The following LANCL2 variants were observed in gnomAD, a reference collection of about 807,000 sequenced individuals.
LANCL2 encodes lanC-like protein 2.
Under a neutral mutation model 56.9 loss-of-function variants are expected in LANCL2, and 33 were observed. The observed-to-expected ratio is 0.58, with a 90% confidence interval of 0.44 to 0.78. The LOEUF (loss-of-function observed/expected upper bound fraction) is 0.78, where lower values mean the gene tolerates loss of function less well. Ranked by LOEUF, LANCL2 falls within the 30% of genes least tolerant of loss-of-function variation. The probability of loss-of-function intolerance (pLI) is 0.00; values close to 1 mark genes in which losing one functional copy is unlikely to be tolerated. For missense variants in LANCL2, 562 were observed against 580.2 expected (o/e 0.97, Z 0.32); for synonymous variants, 233 against 228.2 (o/e 1.02, Z -0.19).
At position 55,365,849 on chromosome 7, in the gene LANCL2, G is replaced by A. The variant is rs576339691; in HGVS notation, c.-177G>A. On this transcript the variant is annotated 5_prime_UTR_variant, in exon 1 of 9. Transcript: ENST00000254770. ...CCGCCTCTGCGGCCGCCTGATGTGC[G>A]AGCAGCCCGCGACGAGGCAGTGCAC... is the stretch of plus-strand genomic sequence containing the variant. 4 of 469,844 alleles carry A rather than the reference G, an allele frequency of 8.5e-6. No individual in the cohort carries two copies. The highest frequency in any genetic ancestry group is 4.0e-5 in the South Asian group (1 of 25,306). The allele number at this position is 469,844 out of a possible 1,614,324, so 29.1% of individuals were successfully genotyped here. A position where few individuals can be genotyped will look rare whatever the true frequency, so the allele number is the denominator to read the frequency against.
At chr7:55,394,336 T>C (rs1270831480) in intron 2 of LANCL2, among the ~76,000 whole-genome samples, 2 of 151,912 alleles carry the variant, frequency 1.3e-5, no homozygotes, top group African/African-American at 4.8e-5. Flanking sequence ...CTTTGGGAGA[T>C]GGAGGTGGGA....
At chr7:55,391,347 G>T (rs1300726037) in intron 1 of LANCL2, among the ~76,000 whole-genome samples, 1 of 151,986 alleles carries the variant, frequency 6.6e-6, no homozygotes, top group Non-Finnish European at 1.5e-5. Flanking sequence ...CTTATCATTT[G>T]TTTTTTCTTT....
rs2128996180 is a variant in LANCL2, at chr7:55,421,205, C to G, written c.1009-4049C>G. On this transcript the variant is annotated intron_variant, in intron 6 of 8. Coordinates refer to ENST00000254770, the MANE Select transcript of LANCL2 (RefSeq NM_018697.4). ...ATTATTGATGTGGTTGGATTCAGCTCTGCCATTTTAAATTTTTTAAAATTA... is the reference window on the plus strand; with the variant it reads ...ATTATTGATGTGGTTGGATTCAGCTGTGCCATTTTAAATTTTTTAAAATTA... Among the ~76,000 whole-genome samples, 2 of 149,000 alleles carry G rather than the reference C, an allele frequency of 1.3e-5. 1 individual carries two copies. The highest frequency in any genetic ancestry group is 3.9e-4 in the East Asian group (2 of 5,130).
intron 7 of LANCL2, chr7:55,428,153 A>G: frequency 1.7e-6 from 1 of 578,270 alleles, no homozygotes; most frequent in East Asian, 2.8e-5. Context: ...ACTTCCCAGC[A>G]GCTGTAAGGC....
chr7:55,405,595 A>AT (rs1237876206), intron 5 of LANCL2, among the ~76,000 whole-genome samples: 1 of 147,260 alleles, frequency 6.8e-6, no homozygotes. Context: ...GGTTTAAGTG[A>AT]TTCTCCTGCA....
intron 6 of LANCL2, among the ~76,000 whole-genome samples, chr7:55,420,635 A>G (rs546854143): frequency 6.6e-6 from 1 of 152,236 alleles, no homozygotes; most frequent in Admixed American, 6.5e-5. Context: ...TAAATATTTT[A>G]GGCTTGTGGT....
At chr7:55,414,210 C>T (rs898377859) in intron 6 of LANCL2, among the ~76,000 whole-genome samples, 2 of 152,058 alleles carry the variant, frequency 1.3e-5, no homozygotes, top group Admixed American at 6.5e-5. Context: ...GACCCTGCGC[C>T]GTGGAGTCTG....
At chr7:55,397,386 G>A (rs1490140654) in intron 2 of LANCL2, among the ~76,000 whole-genome samples, 2 of 151,102 alleles carry the variant, frequency 1.3e-5, no homozygotes, top group Non-Finnish European at 1.5e-5. Context: ...ACTTGAACCC[G>A]GGAGGCAGAG....
chr7:55,399,756 T>C (rs1790299287), intron 3 of LANCL2, among the ~76,000 whole-genome samples: 1 of 152,238 alleles, frequency 6.6e-6, no homozygotes, highest in African/African-American at 2.4e-5. Context: ...AAAGATGTTT[T>C]GTTTTTAATT....
chr7:55,384,993 C>G (rs1454486279), intron 1 of LANCL2, among the ~76,000 whole-genome samples: 1 of 151,996 alleles, frequency 6.6e-6, no homozygotes, highest in Non-Finnish European at 1.5e-5. Flanking sequence ...TTGAGACCAG[C>G]CTGGGCAACA....
intron 1 of LANCL2, among the ~76,000 whole-genome samples, chr7:55,368,446 A>T (rs1481029424): frequency 6.6e-6 from 1 of 152,234 alleles, no homozygotes; most frequent in Admixed American, 6.5e-5. Flanking sequence ...TGAAAATGAG[A>T]GCACGTTGAA....
chr7:55,371,625 CTT>C (rs887974851), intron 1 of LANCL2, among the ~76,000 whole-genome samples: 2 of 152,140 alleles, frequency 1.3e-5, no homozygotes, highest in African/African-American at 4.8e-5. Context: ...TGTCCAGGAG[CTT>C]TTCCCCATGT....
chr7:55,428,228 G>A (rs1466198577), intron 7 of LANCL2, 147 bp from the exon 8 acceptor site: 1 of 678,032 alleles, frequency 1.5e-6, no homozygotes, highest in African/African-American at 1.8e-5. Flanking sequence ...CCTGGAAGAG[G>A]GGGTGCAGTA....
chr7:55,365,935 T>C lies in LANCL2; in HGVS notation c.-91T>C, dbSNP rs946213677. ...CTCGCTCCTCCTAGAGGACGCTCTC[T>C]GCGCGGGCCCTCGGAGGAGGCGGCG... On this transcript the variant is annotated 5_prime_UTR_variant, in exon 1 of 9. Transcript: ENST00000254770. The C allele has an allele frequency of 2.7e-5, 29 of 1,063,030 alleles. No individual in the cohort carries two copies. The highest frequency in any genetic ancestry group is 1.5e-4 in the African/African-American group (9 of 59,214). The allele number at this position is 1,063,030 out of a possible 1,614,324, so 65.8% of individuals were successfully genotyped here.
At chr7:55,417,305 A>T (rs941986848) in intron 6 of LANCL2, among the ~76,000 whole-genome samples, 2 of 151,510 alleles carry the variant, frequency 1.3e-5, no homozygotes, top group Non-Finnish European at 1.5e-5. Context: ...AACCATAGGG[A>T]TATCTGATTG....
chr7:55,394,655 C>A (rs1172195296), intron 2 of LANCL2, among the ~76,000 whole-genome samples: 1 of 152,168 alleles, frequency 6.6e-6, no homozygotes, highest in Non-Finnish European at 1.5e-5. Context: ...GGGTAAAAAA[C>A]AAGCAGCATC....
intron 1 of LANCL2, among the ~76,000 whole-genome samples, chr7:55,386,335 TATTA>T (rs1181394621): frequency 6.6e-6 from 1 of 152,266 alleles, no homozygotes; most frequent in African/African-American, 2.4e-5. Context: ...ATTAGAAAAG[TATTA>T]ATTTGGGGAA....
At chr7:55,398,752 AT>A in intron 3 of LANCL2, 122 bp downstream of exon 3, 3 of 749,474 alleles carry the variant, frequency 4.0e-6, no homozygotes, top group Non-Finnish European at 6.8e-6. Flanking sequence ...TCACTCCAAA[AT>A]GTTAATCTTG....
intron 2 of LANCL2, among the ~76,000 whole-genome samples, chr7:55,397,385 C>G (rs111816186): frequency 0.022 from 3,255 of 149,160 alleles, 69 homozygotes; most frequent in Non-Finnish European, 0.028. Flanking sequence ...CACTTGAACC[C>G]GGGAGGCAGA....
Sources: allele counts gnomAD v4.1 joint callset (sites outside exome capture counted in the v4.1 genomes callset), GRCh38; gene constraint gnomAD v4.1.1; transcripts MANE v1.5; gene names NCBI Gene and HGNC (gene_info 2026-07-23, HGNC 2026-07-21).